Variants in GRIK2 observed in about 807,000 individuals in gnomAD.
GRIK2 encodes the protein glutamate receptor ionotropic, kainate 2.
Under a neutral mutation model 100.3 loss-of-function variants are expected in GRIK2, and 32 were observed. The observed-to-expected ratio is 0.32, with a 90% confidence interval of 0.24 to 0.43. The LOEUF (loss-of-function observed/expected upper bound fraction) is 0.43, where lower values mean the gene tolerates loss of function less well. Among genes scored for constraint, GRIK2 ranks in the 20% least tolerant of loss-of-function variants. GRIK2 has a pLI of 1.00. For synonymous variants in GRIK2, 417 were observed against 389.4 expected (o/e 1.07, Z -0.83); for missense variants, 843 against 1,114.9 (o/e 0.76, Z 3.47).
At chr6:102,021,046 C>T (rs1259377081) in intron 14 of GRIK2, among the ~76,000 whole-genome samples, 1 of 151,750 alleles carries the variant, frequency 6.6e-6, no homozygotes, top group African/African-American at 2.4e-5. Flanking sequence ...TCACAACACT[C>T]ATATGGGAAG....
chr6:101,865,343 C>G (rs929854930), intron 11 of GRIK2, among the ~76,000 whole-genome samples: 2 of 152,150 alleles, frequency 1.3e-5, no homozygotes, highest in Non-Finnish European at 2.9e-5. Context: ...CATAAATGAG[C>G]CTTGGAGGAC....
chr6:101,835,594 C>G (rs1352456606), intron 10 of GRIK2, among the ~76,000 whole-genome samples: 2 of 150,532 alleles, frequency 1.3e-5, no homozygotes, highest in Non-Finnish European at 3.0e-5. Flanking sequence ...CCTCAGCCCC[C>G]CGAGCAGCTA....
chr6:101,920,848 G>T (rs1036927609), intron 12 of GRIK2, among the ~76,000 whole-genome samples: 2 of 151,608 alleles, frequency 1.3e-5, no homozygotes, highest in African/African-American at 4.8e-5. Context: ...TTAAAGTCTG[G>T]ATATTTTATA....
chr6:101,650,612 T>C (rs969332250), intron 4 of GRIK2, among the ~76,000 whole-genome samples: 4 of 152,128 alleles, frequency 2.6e-5, no homozygotes, highest in Non-Finnish European at 5.9e-5. Context: ...GACTCCAGCC[T>C]GAACCTCCCA....
chr6:101,537,468 G>GTC (rs1562209489), intron 2 of GRIK2, among the ~76,000 whole-genome samples: 4 of 146,008 alleles, frequency 2.7e-5, no homozygotes, highest in African/African-American at 1.0e-4. Flanking sequence ...GTGTGTGTGT[G>GTC]TGTGTGTGTT....
In GRIK2 at chr6:102,064,617, A is replaced by G. The variant is rs9498832; in HGVS notation, c.2563-3730A>G. 3.1e-3 allele frequency among the ~76,000 whole-genome samples: 465 copies of G among 151,208 alleles called. 4 individuals carry two copies. Among genetic ancestry groups the G allele is most frequent in the African/African-American group, 0.011 (448 of 41,428 alleles). On this transcript the variant is annotated intron_variant, in intron 16 of 16. Coordinates refer to ENST00000369134, the MANE Select transcript of GRIK2 (RefSeq NM_021956.5). ...TCAATCATTATATAAAGTATAAAAG[A>G]CAATTTGTCTCTACTTAATGATAAT...
At chr6:101,927,693 C>A (rs1293516370) in intron 13 of GRIK2, 3 of 151,884 alleles carry the variant, frequency 2.0e-5, no homozygotes, top group African/African-American at 7.2e-5. Context: ...GCAACTCCAG[C>A]CGTACATTCT....
chr6:101,517,122 C>A (rs1774625950), intron 2 of GRIK2, among the ~76,000 whole-genome samples: 2 of 151,962 alleles, frequency 1.3e-5, no homozygotes, highest in South Asian at 4.1e-4. Flanking sequence ...TTTAACAAAT[C>A]TTCATATTTA....
chr6:101,465,706 C>G (rs963786750), intron 2 of GRIK2, among the ~76,000 whole-genome samples: 12 of 152,150 alleles, frequency 7.9e-5, no homozygotes, highest in Non-Finnish European at 1.3e-4. Flanking sequence ...ACAAGACTCT[C>G]CTAAAACCTT....
chr6:101,566,903 CAT>C (rs1393019982), intron 2 of GRIK2, among the ~76,000 whole-genome samples: 1 of 149,960 alleles, frequency 6.7e-6, no homozygotes, highest in Non-Finnish European at 1.5e-5. Context: ...TACATATATA[CAT>C]GTCTATTAAA....
At chr6:101,826,090 T>G (rs1363658763) in intron 10 of GRIK2, among the ~76,000 whole-genome samples, 1 of 150,508 alleles carries the variant, frequency 6.6e-6, no homozygotes, top group Non-Finnish European at 1.5e-5. Context: ...AGGTGTGTTT[T>G]CTTAGATTCC....
intron 12 of GRIK2, among the ~76,000 whole-genome samples, chr6:101,896,501 T>G (rs1787452974): frequency 6.6e-6 from 1 of 151,814 alleles, no homozygotes; most frequent in East Asian, 1.9e-4. Context: ...TGCTTATTTA[T>G]TTTTTAGAAG....
intron 4 of GRIK2, among the ~76,000 whole-genome samples, chr6:101,656,860 C>T (rs1006379335): frequency 1.4e-4 from 21 of 152,132 alleles, no homozygotes; most frequent in African/African-American, 3.4e-4. Context: ...AAATTGTTAA[C>T]GGGAAATAGA....
chr6:101,411,751 C>T (rs1272415274), intron 2 of GRIK2, among the ~76,000 whole-genome samples: 4 of 152,032 alleles, frequency 2.6e-5, no homozygotes, highest in African/African-American at 4.8e-5. Flanking sequence ...GAACACCACT[C>T]AAGGGCTTAT....
At position 101,892,902 on chromosome 6, in the gene GRIK2, CTGAATA is replaced by C. The variant is rs1441181435; in HGVS notation, c.1748+3042_1748+3047del. ...TGAAAAATCAGATTAAAAGCAAAGT[CTGAATA>C]TGGTCAATTTAAATTTTAAATTCTG... On this transcript the variant is annotated intron_variant, in intron 12 of 16. Transcript: ENST00000369134. 5.3e-5 allele frequency among the ~76,000 whole-genome samples: 8 copies of C among 151,204 alleles called. No homozygotes were observed. In the East Asian group the frequency reaches 1.2e-3, roughly 22 times the overall value.
At chr6:101,667,613 A>T (rs1479053811) in intron 4 of GRIK2, among the ~76,000 whole-genome samples, 1 of 152,120 alleles carries the variant, frequency 6.6e-6, no homozygotes, top group Non-Finnish European at 1.5e-5. Flanking sequence ...ATTTGAATGT[A>T]TCATGGTTCA....
At chr6:101,957,997 G>T (rs1303324751) in intron 14 of GRIK2, among the ~76,000 whole-genome samples, 1 of 151,736 alleles carries the variant, frequency 6.6e-6, no homozygotes, top group Non-Finnish European at 1.5e-5. Flanking sequence ...GGATTGTTTT[G>T]GCTATTCAGG....
At chr6:101,995,143 C>A (rs1471165249) in intron 14 of GRIK2, among the ~76,000 whole-genome samples, 1 of 151,896 alleles carries the variant, frequency 6.6e-6, no homozygotes, top group Non-Finnish European at 1.5e-5. Context: ...TAGTTCCAAA[C>A]TACTCAGGTT....
intron 14 of GRIK2, among the ~76,000 whole-genome samples, chr6:102,025,326 A>G (rs1769637172): frequency 6.6e-6 from 1 of 151,290 alleles, no homozygotes; most frequent in African/African-American, 2.4e-5. Flanking sequence ...TCTAGTAGGA[A>G]GAGAGAGAAA....
Sources: allele counts gnomAD v4.1 joint callset (sites outside exome capture counted in the v4.1 genomes callset), GRCh38; gene constraint gnomAD v4.1.1; transcripts MANE v1.5; gene names NCBI Gene and HGNC (gene_info 2026-07-23, HGNC 2026-07-21).